The following PSG2 variants were observed in gnomAD, a reference collection of about 807,000 sequenced individuals.
PSG2 encodes the protein pregnancy specific beta-1-glycoprotein 2.
Under a neutral mutation model 36.2 loss-of-function variants are expected in PSG2, and 49 were observed. That is an observed-to-expected ratio of 1.35 (90% CI 1.08 to 1.72). PSG2 has a LOEUF of 1.72. Ranked by LOEUF, PSG2 falls within the 40% of genes most tolerant of loss-of-function variation. The probability of loss-of-function intolerance (pLI) is 0.00; values close to 1 mark genes in which losing one functional copy is unlikely to be tolerated. For missense variants in PSG2, 605 were observed against 407.2 expected, an observed-to-expected ratio of 1.49 and a Z score of -4.18; for synonymous variants, 261 against 155.6, an observed-to-expected ratio of 1.68 and a Z score of -5.04.
intron 2 of PSG2, among the ~76,000 whole-genome samples, chr19:43,078,007 G>A (rs552345835): frequency 6.6e-6 from 1 of 151,814 alleles, no homozygotes; most frequent in South Asian, 2.1e-4. Flanking sequence ...GGAGTCACGA[G>A]TGAAATGGGT....
rs746956244 is a variant in PSG2, at chr19:43,075,493, A to G, written c.570T>C (p.Thr190=). ...TGGTTTCGGACAGCTGAAACCTATGAGTCATAGGGAGGCTCTGACCATTCA... is the reference window on the plus strand; with the variant it reads ...TGGTTTCGGACAGCTGAAACCTATGGGTCATAGGGAGGCTCTGACCATTCA... ...WWMNGQSLPM[T]HRFQLSETNR... is the part of the protein sequence containing the mutation. The change falls in exon 3 of 6, where the codon ACT becomes ACC. Residue 190 remains threonine (T), a synonymous_variant. Coordinates refer to ENST00000406487, the MANE Select transcript of PSG2 (RefSeq NM_031246.4). The G allele has an allele frequency of 6.2e-7, 1 of 1,613,162 alleles. No individual in the cohort carries two copies. The highest frequency in any genetic ancestry group is 1.1e-5 in the South Asian group (1 of 91,052).
At chr19:43,077,027 A>T (rs1267100141) in intron 2 of PSG2, among the ~76,000 whole-genome samples, 2 of 151,620 alleles carry the variant, frequency 1.3e-5, no homozygotes, top group Admixed American at 6.6e-5. Flanking sequence ...TCCCATAAAA[A>T]GTTGTCAGGA....
intron 4 of PSG2, among the ~76,000 whole-genome samples, chr19:43,070,652 C>G (rs1967802457): frequency 6.6e-6 from 1 of 151,490 alleles, no homozygotes; most frequent in African/African-American, 2.4e-5. Flanking sequence ...TAGCCAGTTA[C>G]ATAGAGACAG....
At chr19:43,067,560 C>G (rs577732849) in intron 4 of PSG2, among the ~76,000 whole-genome samples, 69 of 151,534 alleles carry the variant, frequency 4.6e-4, no homozygotes, top group South Asian at 2.7e-3. Context: ...ATAACCCTGT[C>G]AGGTAGACAT....
intron 2 of PSG2, among the ~76,000 whole-genome samples, chr19:43,075,894 C>T (rs1967889026): frequency 6.6e-6 from 1 of 151,458 alleles, no homozygotes; most frequent in South Asian, 2.1e-4. Context: ...GACACAGGAC[C>T]AGCAGTCACA....
At chr19:43,067,540 A>T (rs1370847025) in intron 4 of PSG2, among the ~76,000 whole-genome samples, 1 of 151,420 alleles carries the variant, frequency 6.6e-6, no homozygotes. Flanking sequence ...TATCTCATTT[A>T]ATCCACACAA....
At chr19:43,066,072 C>T (rs1427628801) in intron 5 of PSG2, among the ~76,000 whole-genome samples, 1 of 151,386 alleles carries the variant, frequency 6.6e-6, no homozygotes, top group Non-Finnish European at 1.5e-5. Context: ...TAGAGTAGAC[C>T]CCTGCAGATT....
In PSG2 at chr19:43,071,755, A is replaced by T; in HGVS notation, c.909T>A (p.Val303=). The part of the protein sequence containing the change: ...TKHSGLYVCS[V]RNSATGEESS... ...TTTCCTCGCCAGTGGCTGAGTTACG[A>T]ACAGAGCAAACATAGAGCCCGCTAT... The change falls in exon 4 of 6, where the codon GTT becomes GTA. Residue 303 remains valine (V), a synonymous_variant. Coordinates refer to ENST00000406487, the MANE Select transcript of PSG2 (RefSeq NM_031246.4). The T allele has an allele frequency of 9.3e-6, 15 of 1,612,864 alleles. No homozygotes were observed. Among genetic ancestry groups the T allele is most frequent in the Non-Finnish European group, 1.2e-5 (14 of 1,179,378 alleles).
chr19:43,074,185 G>C (rs1218251932), intron 3 of PSG2, among the ~76,000 whole-genome samples: 12 of 151,534 alleles, frequency 7.9e-5, no homozygotes, highest in African/African-American at 2.2e-4. Flanking sequence ...TCATTAATAA[G>C]AGCCTGTCAG....
At chr19:43,067,817 A>G (rs10427076) in intron 4 of PSG2, among the ~76,000 whole-genome samples, 26,010 of 150,938 alleles carry the variant, frequency 0.17, 4,155 homozygotes, top group African/African-American at 0.39. Flanking sequence ...ATATTCAGGT[A>G]AGGAATCAGA....
At position 43,072,290 on chromosome 19, in the gene PSG2, C is replaced by A. The variant is rs1967830514; in HGVS notation, c.710-336G>T. 12 of 1,597,876 alleles carry A rather than the reference C, an allele frequency of 7.5e-6. 1 individual carries two copies. The highest frequency in any genetic ancestry group is 8.5e-6 in the Non-Finnish European group (10 of 1,170,376). ...CTTGGACCGGAGAGAGACTGAGAGG[C>A]CTGGCCCCTGGTCATTTGGATTTAA... is the stretch of plus-strand genomic sequence containing the variant. On this transcript the variant is annotated intron_variant, in intron 3 of 5. Transcript: ENST00000406487.
At chr19:43,071,459 G>A (rs1451353741) in intron 4 of PSG2, among the ~76,000 whole-genome samples, 1 of 151,614 alleles carries the variant, frequency 6.6e-6, no homozygotes, top group African/African-American at 2.4e-5. Flanking sequence ...TAGGGCTCAG[G>A]GCTGATAATG....
rs542204636 is a variant in PSG2, at chr19:43,080,966, C to T, written c.345G>A (p.Glu115=). The change falls in exon 2 of 6, where the codon GAG becomes GAA. Residue 115 remains glutamate (E), a synonymous_variant. Coordinates refer to ENST00000406487, the MANE Select transcript of PSG2 (RefSeq NM_031246.4). ...ASLLIQNVTR[E]DAGSYTLHII... is the part of the protein sequence containing the mutation. ...TGTGTAAGGTGTAGGATCCTGCGTCCTCCCGGGTGACATTCTGGATCAGCA... is the reference window on the plus strand; with the variant it reads ...TGTGTAAGGTGTAGGATCCTGCGTCTTCCCGGGTGACATTCTGGATCAGCA... 34 of 1,613,076 alleles carry T rather than the reference C, an allele frequency of 2.1e-5. 2 individuals carry two copies. The highest frequency in any genetic ancestry group is 2.7e-5 in the African/African-American group (2 of 74,470).
At chr19:43,078,535 C>T (rs990972097) in intron 2 of PSG2, among the ~76,000 whole-genome samples, 2 of 151,650 alleles carry the variant, frequency 1.3e-5, no homozygotes, top group African/African-American at 4.9e-5. Flanking sequence ...AATGGCTCAG[C>T]CAGTCATGTG....
intron 5 of PSG2, chr19:43,065,757 C>A (rs62111052): frequency 0.042 from 6,343 of 151,814 alleles, 263 homozygotes; most frequent in Non-Finnish European, 0.059. Flanking sequence ...AAGATCTCAA[C>A]CACACATAGG....
At chr19:43,076,728 A>G (rs1203241521) in intron 2 of PSG2, among the ~76,000 whole-genome samples, 1 of 151,612 alleles carries the variant, frequency 6.6e-6, no homozygotes, top group African/African-American at 2.4e-5. Context: ...CAGGATAAGG[A>G]GGTTCTAGAG....
At chr19:43,070,215 A>T (rs1188717936) in intron 4 of PSG2, among the ~76,000 whole-genome samples, 1 of 151,690 alleles carries the variant, frequency 6.6e-6, no homozygotes, top group Admixed American at 6.6e-5. Flanking sequence ...GTTTTCAAGC[A>T]GATGGAAAAA....
At position 43,064,917 on chromosome 19, in the gene PSG2, C is replaced by T. The variant is rs190462690; in HGVS notation, c.*41-316G>A. 1.7e-4 allele frequency among the ~76,000 whole-genome samples: 26 copies of T among 151,868 alleles called. No homozygotes were observed. The East Asian group carries it at 3.1e-3, about 18-fold the overall frequency. On this transcript the variant is annotated intron_variant, in intron 5 of 5. Transcript: ENST00000406487. ...TGCCATCTGAGTTCACTGCAAGCTC[C>T]GCCTCCGCGGTTCATGCCATTCTCC...
intron 1 of PSG2, 153 bp downstream of exon 1, chr19:43,082,353 A>G (rs1337154207): frequency 8.1e-6 from 10 of 1,234,432 alleles, no homozygotes; most frequent in African/African-American, 7.5e-5. Context: ...TGTTGGCCAG[A>G]CTGACCTTGA....
Sources: allele counts gnomAD v4.1 joint callset (sites outside exome capture counted in the v4.1 genomes callset), GRCh38; gene constraint gnomAD v4.1.1; transcripts MANE v1.5; gene names NCBI Gene and HGNC (gene_info 2026-07-23, HGNC 2026-07-21).